C12orf42: variants seen among roughly 807,000 people sequenced by gnomAD.
The protein encoded by C12orf42 is chromosome 12 open reading frame 42, also known as uncharacterized protein C12orf42.
Under a neutral mutation model 21.6 loss-of-function variants are expected in C12orf42, and 25 were observed. That is an observed-to-expected ratio of 1.16 (90% CI 0.84 to 1.62). C12orf42 has a LOEUF of 1.62. Ranked by LOEUF, C12orf42 falls within the 40% of genes most tolerant of loss-of-function variation. The pLI is 0.00. For synonymous variants in C12orf42, 174 were observed against 175.0 expected (o/e 0.99, Z 0.05); for missense variants, 483 against 459.3 (o/e 1.05, Z -0.47).
In C12orf42 at chr12:103,312,463, A is replaced by T. The variant is rs77290827; in HGVS notation, c.260-6118T>A. Among the ~76,000 whole-genome samples the T allele has an allele frequency of 5.7e-3, 861 of 152,344 alleles. 4 individuals are homozygous for T. The highest frequency in any genetic ancestry group is 0.02 in the African/African-American group (816 of 41,578). ...TTTCTAACATACAGAAGAAGAAATG[A>T]TATCTTTAAAAGGTCAAGCACTCTC... On this transcript the variant is annotated intron_variant, in intron 4 of 5. Coordinates refer to ENST00000548883, the MANE Select transcript of C12orf42 (RefSeq NM_198521.5).
the C12orf42 span, among the ~76,000 whole-genome samples, chr12:103,512,839 T>G: frequency 2.6e-5 from 4 of 151,892 alleles, no homozygotes; most frequent in Admixed American, 2.6e-4. Context: ...CCGTCTCTAC[T>G]AAAAATACAA....
the C12orf42 span, among the ~76,000 whole-genome samples, chr12:103,200,639 AG>A: frequency 6.6e-6 from 1 of 152,220 alleles, no homozygotes; most frequent in African/African-American, 2.4e-5. Context: ...TTTGAAAAAA[AG>A]AATGAAATTA....
the C12orf42 span, among the ~76,000 whole-genome samples, chr12:103,198,695 C>A: frequency 6.6e-6 from 1 of 152,326 alleles, no homozygotes; most frequent in Non-Finnish European, 1.5e-5. Flanking sequence ...CAAGAGTGTG[C>A]TACTCCACAC....
chr12:103,491,957 T>TG lies in C12orf42; in HGVS notation c.-22+3944_-22+3945insC, dbSNP rs1456719638. ...AACTCCTTGTTTTCAATTTTGTTTT[T>TG]TTTTTGTTTGTTTGTTTAAGATAGA... is the stretch of plus-strand genomic sequence containing the variant. On this transcript the variant is annotated intron_variant, in intron 1 of 5. Coordinates refer to ENST00000548883, the MANE Select transcript of C12orf42 (RefSeq NM_198521.5). Among the ~76,000 whole-genome samples, 101 of 102,022 alleles carry TG rather than the reference T, an allele frequency of 9.9e-4. 1 individual carries two copies. The highest frequency in any genetic ancestry group is 2.7e-3 in the South Asian group (8 of 2,912). 66.9% of individuals were successfully genotyped at this position (102,022 alleles called of 152,430 possible).
At chr12:103,552,708 G>C in the C12orf42 span, among the ~76,000 whole-genome samples, 11 of 152,138 alleles carry the variant, frequency 7.2e-5, no homozygotes, top group Admixed American at 7.2e-4. Flanking sequence ...CTCAACCTTG[G>C]CACTATTGAT....
the C12orf42 span, among the ~76,000 whole-genome samples, chr12:103,073,989 A>T: frequency 6.6e-6 from 1 of 152,182 alleles, no homozygotes; most frequent in Non-Finnish European, 1.5e-5. Flanking sequence ...GAGAGCCAAT[A>T]CCATAGTTTA....
chr12:103,295,451 C>T (rs1477202980), intron 4 of C12orf42, among the ~76,000 whole-genome samples: 3 of 151,800 alleles, frequency 2.0e-5, no homozygotes, highest in African/African-American at 4.8e-5. Flanking sequence ...TTGAATAAGA[C>T]ATTGTACTGT....
chr12:103,135,354 A>G, the C12orf42 span, among the ~76,000 whole-genome samples: 2 of 152,154 alleles, frequency 1.3e-5, no homozygotes, highest in East Asian at 3.9e-4. Context: ...GCTACTCAGG[A>G]GGCTGAAGTG....
chr12:103,417,088 T>C (rs1333039846), intron 2 of C12orf42, among the ~76,000 whole-genome samples: 1 of 152,218 alleles, frequency 6.6e-6, no homozygotes, highest in Non-Finnish European at 1.5e-5. Flanking sequence ...ACATAAATTA[T>C]TCTCTTCAAT....
rs368267855 is a variant in C12orf42 at position 103,302,420 on chromosome 12, G to C, written c.771C>G (p.His257Gln). The part of the protein sequence containing the change: ...RMAVPAGAQA[H>Q]PDDIQSRLLG... ...GGAGTCTGCTTTGGATGTCGTCGGG[G>C]TGTGCCTGAGCGCCTGCTGGGACTG... The change falls in exon 6 of 6, where the codon CAC becomes CAG. Residue 257 changes from histidine to glutamine, a missense_variant. Physicochemically the swap from His to Gln is conservative, Grantham distance 24 (BLOSUM62 0). Coordinates refer to ENST00000548883, the MANE Select transcript of C12orf42 (RefSeq NM_198521.5). The C allele has an allele frequency of 1.9e-6, 3 of 1,613,780 alleles. No individual in the cohort carries two copies. The highest frequency in any genetic ancestry group is 2.5e-6 in the Non-Finnish European group (3 of 1,179,878).
chr12:103,395,137 C>T (rs1345634552), intron 3 of C12orf42, among the ~76,000 whole-genome samples: 2 of 152,212 alleles, frequency 1.3e-5, no homozygotes, highest in Admixed American at 6.5e-5. Context: ...TCAGCAGGTA[C>T]TGAATAAATA....
chr12:103,272,531 T>G (rs958916168), intron 5 of C12orf42, among the ~76,000 whole-genome samples: 8 of 152,194 alleles, frequency 5.3e-5, no homozygotes, highest in Admixed American at 3.9e-4. Flanking sequence ...GAAACTGTTT[T>G]GAAAACTAGA....
intron 3 of C12orf42, among the ~76,000 whole-genome samples, chr12:103,387,858 C>T (rs887196206): frequency 3.9e-5 from 6 of 152,202 alleles, no homozygotes; most frequent in South Asian, 2.1e-4. Flanking sequence ...AGTCCTGAGA[C>T]GTCCCTCTCA....
intron 3 of C12orf42, chr12:103,397,560 T>C (rs571093923): frequency 6.6e-6 from 1 of 152,310 alleles, no homozygotes; most frequent in South Asian, 2.1e-4. Context: ...AAGAGTTTCA[T>C]CCAGAAACCA....
the C12orf42 span, among the ~76,000 whole-genome samples, chr12:103,509,235 T>C: frequency 4.6e-5 from 7 of 152,276 alleles, no homozygotes; most frequent in Admixed American, 4.6e-4. Context: ...GAACCTAACC[T>C]TATGCTTCAA....
the C12orf42 span, chr12:103,558,439 A>C: frequency 6.6e-6 from 1 of 152,264 alleles, no homozygotes. Flanking sequence ...CAGCCTGTCC[A>C]GGCCTTTGTG....
the C12orf42 span, among the ~76,000 whole-genome samples, chr12:103,175,887 A>G: frequency 6.6e-6 from 1 of 152,194 alleles, no homozygotes; most frequent in Non-Finnish European, 1.5e-5. Flanking sequence ...CAAAGCAGCC[A>G]GGATAACTAC....
the C12orf42 span, chr12:103,505,392 C>T: frequency 3.0e-6 from 1 of 333,912 alleles, no homozygotes; most frequent in Non-Finnish European, 5.6e-6. Flanking sequence ...ACGTCTGACC[C>T]CATAGTGTTG....
At chr12:103,340,358 A>G (rs1053546555) in intron 4 of C12orf42, among the ~76,000 whole-genome samples, 4 of 152,232 alleles carry the variant, frequency 2.6e-5, no homozygotes, top group Admixed American at 1.3e-4. Context: ...TTCACCAGCC[A>G]AACTGGACAA....
Sources: gnomAD v4.1 joint callset for allele counts (sites outside exome capture counted in the v4.1 genomes callset) on GRCh38, gnomAD v4.1.1 for gene constraint, MANE v1.5 for transcripts, NCBI Gene and HGNC (gene_info 2026-07-23, HGNC 2026-07-21) for gene names.